TMEM198: variants seen among roughly 807,000 people sequenced by gnomAD.
The protein encoded by TMEM198 is transmembrane protein 198.
Under a neutral mutation model 31.5 loss-of-function variants are expected in TMEM198, and 21 were observed. The observed-to-expected ratio is 0.67, with a 90% CI of 0.47 to 0.96. The LOEUF (loss-of-function observed/expected upper bound fraction) is 0.96. TMEM198 is among the 40% of genes least tolerant of loss of function. TMEM198 has a pLI of 0.00. For synonymous variants in TMEM198, 211 were observed against 223.3 expected, an observed-to-expected ratio of 0.95 and a Z score of 0.49; for missense variants, 447 against 499.4, an observed-to-expected ratio of 0.89 and a Z score of 1.00.
rs574655012 is a variant in TMEM198 at position 219,549,750 on chromosome 2, G to A, written c.979G>A (p.Gly327Arg). 9 of 1,613,978 alleles carry A rather than the reference G, an allele frequency of 5.6e-6. No homozygotes were observed. The highest frequency in any genetic ancestry group is 1.6e-4 in the Middle Eastern group (1 of 6,062). ...YIQSFRDRQT[G>R]SSLSSFMASP... ...CCAGAGCTTCCGAGACCGGCAGACCGGGAGCTCCCTGAGCTCCTTCATGGC... is the reference window on the plus strand; with the variant it reads ...CCAGAGCTTCCGAGACCGGCAGACCAGGAGCTCCCTGAGCTCCTTCATGGC... The change falls in exon 5 of 5, where the codon GGG becomes AGG. Residue 327 changes from glycine to arginine, a missense_variant. Transcript: ENST00000373883.
Position 219,550,071 on chromosome 2 carries a change from G to A in TMEM198, c.*217G>A. 1 of 599,052 alleles carries A rather than the reference G, an allele frequency of 1.7e-6. No individual in the cohort carries two copies. The highest frequency in any genetic ancestry group is 2.8e-5 in the East Asian group (1 of 35,170). 37.1% of individuals were successfully genotyped at this position (599,052 alleles called of 1,614,324 possible). ...GAGGCTCCTGAGGAACTCGGGGTGT[G>A]AACCCCATTGGGGTGTGCTCAGGGT... is the stretch of plus-strand genomic sequence containing the variant. On this transcript the variant is annotated 3_prime_UTR_variant, in exon 5 of 5. Transcript: ENST00000373883.
intron 4 of TMEM198, 35 bp downstream of exon 4, chr2:219,549,389 AGGAAGTGT>A: frequency 6.3e-7 from 1 of 1,591,578 alleles, no homozygotes; most frequent in Non-Finnish European, 8.6e-7. Flanking sequence ...CAGAATGAGA[AGGAAGTGT>A]GGAAACTCTT....
intron 3 of TMEM198, among the ~76,000 whole-genome samples, chr2:219,548,612 G>A (rs1450607789): frequency 1.3e-5 from 2 of 152,334 alleles, no homozygotes; most frequent in Middle Eastern, 3.4e-3. Flanking sequence ...CTTGCTTGAG[G>A]AAGTGGGGCA....
chr2:219,548,426 T>C (rs149263369), intron 3 of TMEM198, among the ~76,000 whole-genome samples: 6 of 152,324 alleles, frequency 3.9e-5, no homozygotes, highest in East Asian at 1.9e-4. Flanking sequence ...AGAGACATTG[T>C]GCAGGATAAT....
intron 3 of TMEM198, among the ~76,000 whole-genome samples, chr2:219,548,511 G>C (rs144345037): frequency 1.9e-3 from 293 of 152,328 alleles, no homozygotes; most frequent in African/African-American, 6.8e-3. Flanking sequence ...TGATATGTAA[G>C]CAGGCACTTG....
rs760375457 is a variant in TMEM198 at position 219,549,062 on chromosome 2, C to T, written c.743-90C>T. 13 of 1,462,694 alleles carry T rather than the reference C, an allele frequency of 8.9e-6. No homozygotes were observed. In the Middle Eastern group the frequency reaches 5.3e-4, roughly 59 times the overall value. The allele number at this position is 1,462,694 out of a possible 1,614,324, so 90.6% of individuals were successfully genotyped here. A position where few individuals can be genotyped will look rare whatever the true frequency, so the allele number is the denominator to read the frequency against. On this transcript the variant is annotated intron_variant, in intron 3 of 4. Coordinates refer to ENST00000373883, the MANE Select transcript of TMEM198 (RefSeq NM_001005209.3). The stretch of plus-strand genomic sequence containing the variant: ...TTATGGACAAGAGGAATCTGGAAGC[C>T]TAGAGCCACAGGTGGGATGAGAGAG...
At chr2:219,543,845 C>G (rs1270285498), upstream of TMEM198, 3 of 411,878 alleles carry the variant, frequency 7.3e-6, no homozygotes, top group Admixed American at 4.1e-5. Flanking sequence ...CTCGGGCTCT[C>G]GCTACCGGAG....
intron 2 of TMEM198, 28 bp downstream of exon 2, chr2:219,544,921 G>A (rs772460616): frequency 1.2e-6 from 2 of 1,605,836 alleles, no homozygotes; most frequent in East Asian, 2.2e-5. Context: ...TCCCTCACCT[G>A]GGCTCCCCAG....
upstream of TMEM198, chr2:219,543,715 C>G (rs997891012): frequency 9.0e-6 from 4 of 444,496 alleles, no homozygotes; most frequent in Non-Finnish European, 1.5e-5. Context: ...AGCCGCGCCT[C>G]GATTCCCCTC....
At chr2:219,546,950 T>A (rs1229177722) in intron 2 of TMEM198, among the ~76,000 whole-genome samples, 1 of 152,040 alleles carries the variant, frequency 6.6e-6, no homozygotes. Context: ...GGCTAATTTT[T>A]CGTATTTTTA....
chr2:219,544,830 C>G lies in TMEM198; in HGVS notation c.103C>G (p.Gln35Glu), dbSNP rs113616914. Residue 35 changes from glutamine (Q) to glutamate (E), a missense_variant, in exon 2 of 5, where the codon CAG becomes GAG. Transcript: ENST00000373883. Reference sequence around the variant, plus strand: ...TGAACAGCCCCTGGAGCGCAGGTACCAGGCACTGCCGGCCCTCGTCTGCAT... The same window carrying G: ...TGAACAGCCCCTGGAGCGCAGGTACGAGGCACTGCCGGCCCTCGTCTGCAT... ...PCEQPLERRY[Q>E]ALPALVCIMC... 1.2e-6 allele frequency: 2 copies of G among 1,614,230 alleles called. No individual in the cohort carries two copies. Among genetic ancestry groups the G allele is most frequent in the Non-Finnish European group, 1.7e-6 (2 of 1,180,038 alleles).
chr2:219,550,118 T>A lies in TMEM198; in HGVS notation c.*264T>A. The A allele has an allele frequency of 2.2e-6, 1 of 449,844 alleles. No homozygotes were observed. The highest frequency in any genetic ancestry group is 4.0e-5 in the South Asian group (1 of 25,032). The allele number at this position is 449,844 out of a possible 1,614,324, so 27.9% of individuals were successfully genotyped here. On this transcript the variant is annotated 3_prime_UTR_variant, in exon 5 of 5. Coordinates refer to ENST00000373883, the MANE Select transcript of TMEM198 (RefSeq NM_001005209.3). ...GGGTTGTGAGTGTGTTGCCCGTGTG[T>A]CTGTGTGTATGTGTGTGGGGGTGGG...
In TMEM198 at chr2:219,547,687, G is replaced by T; in HGVS notation, c.348G>T (p.Val116=). Reference sequence around the variant, plus strand: ...TGGTGGCCATGCTAGTGCGCAGCGTGGGCCTCTTCCTGGTGGGGCTGCTGC... The same window carrying T: ...TGGTGGCCATGCTAGTGCGCAGCGTTGGCCTCTTCCTGGTGGGGCTGCTGC... The part of the protein sequence containing the change: ...CGLVAMLVRS[V]GLFLVGLLLG... The change falls in exon 3 of 5, where the codon GTG becomes GTT. Residue 116 remains valine, a synonymous_variant. Coordinates refer to ENST00000373883, the MANE Select transcript of TMEM198 (RefSeq NM_001005209.3). The T allele has an allele frequency of 6.4e-7, 1 of 1,563,018 alleles. No individual in the cohort carries two copies.
chr2:219,547,219 C>T (rs777376058), intron 2 of TMEM198: 59 of 318,464 alleles, frequency 1.9e-4, no homozygotes, highest in Non-Finnish European at 2.7e-4. Context: ...ACTCTTGACT[C>T]AAAAGATTTA....
intron 2 of TMEM198, 100 bp downstream of exon 2, chr2:219,544,993 A>C: frequency 7.3e-7 from 1 of 1,365,828 alleles, no homozygotes; most frequent in Admixed American, 2.3e-5. Flanking sequence ...ACCATCATGA[A>C]TAATTCTTCC....
Position 219,547,526 on chromosome 2 carries a change from G to A in TMEM198, c.187G>A (p.Val63Met). 6.9e-7 allele frequency: 1 copy of A among 1,451,670 alleles called. No individual in the cohort carries two copies. The allele number at this position is 1,451,670 out of a possible 1,614,324, so 89.9% of individuals were successfully genotyped here. ...TCCAGGTTACCGCTGCTTCAAGGCAGTGCTCTTTCTCACTGGGTTGCTGTT... is the reference window on the plus strand; with the variant it reads ...TCCAGGTTACCGCTGCTTCAAGGCAATGCTCTTTCTCACTGGGTTGCTGTT... ...CFFGYRCFKA[V>M]LFLTGLLFGS... Residue 63 changes from valine to methionine, a missense_variant, in exon 3 of 5, where the codon GTG becomes ATG. Val to Met is a conservative substitution (Grantham distance 21, BLOSUM62 1). Transcript: ENST00000373883.
intron 2 of TMEM198, among the ~76,000 whole-genome samples, chr2:219,546,774 G>GTTTTTTTTTT (rs144394124): frequency 1.4e-5 from 1 of 69,882 alleles, no homozygotes; most frequent in African/African-American, 5.4e-5. Flanking sequence ...CACCTCTCAA[G>GTTTTTTTTTT]TTTCTTTTTT....
rs1695358867 is a variant in TMEM198, at chr2:219,544,826, G to A, written c.99G>A (p.Arg33=). The part of the protein sequence containing the change: ...GAPCEQPLER[R]YQALPALVCI... ...CTTGTGAACAGCCCCTGGAGCGCAG[G>A]TACCAGGCACTGCCGGCCCTCGTCT... is the stretch of plus-strand genomic sequence containing the variant. Residue 33 remains arginine (R), a synonymous_variant, in exon 2 of 5, where the codon AGG becomes AGA. Coordinates refer to ENST00000373883, the MANE Select transcript of TMEM198 (RefSeq NM_001005209.3). The A allele has an allele frequency of 1.2e-6, 2 of 1,614,110 alleles. No homozygotes were observed. Among genetic ancestry groups the A allele is most frequent in the South Asian group, 1.1e-5 (1 of 91,088 alleles).
At chr2:219,544,656 A>G in intron 1 of TMEM198, 33 bp from the exon 2 acceptor site, 2 of 1,572,986 alleles carry the variant, frequency 1.3e-6, no homozygotes. Flanking sequence ...GGGACCCAGG[A>G]CTCCTCCGTG....
Sources: allele counts gnomAD v4.1 joint callset (sites outside exome capture counted in the v4.1 genomes callset), GRCh38; gene constraint gnomAD v4.1.1; transcripts MANE v1.5; gene names NCBI Gene and HGNC (gene_info 2026-07-23, HGNC 2026-07-21).